STAT4: variants seen among roughly 807,000 people sequenced by gnomAD.
STAT4 encodes the protein signal transducer and activator of transcription 4.
STAT4 carries 42 observed loss-of-function variants against 110.5 expected under a neutral mutation model. That is an observed-to-expected ratio of 0.38 (90% confidence interval 0.30 to 0.49). The LOEUF is 0.49. Ranked by LOEUF, STAT4 falls within the 20% of genes least tolerant of loss-of-function variation. STAT4 has a pLI of 0.95. For missense variants in STAT4, 632 were observed against 887.9 expected, an observed-to-expected ratio of 0.71 and a Z score of 3.66; for synonymous variants, 284 against 302.2, an observed-to-expected ratio of 0.94 and a Z score of 0.63.
Position 191,061,946 on chromosome 2 carries a change from C to T in STAT4, c.942-125G>A, listed in dbSNP as rs903315956. The T allele has an allele frequency of 2.6e-6, 2 of 777,888 alleles. No individual in the cohort carries two copies. The highest frequency in any genetic ancestry group is 1.8e-5 in the African/African-American group (1 of 56,162). 48.2% of individuals were successfully genotyped at this position (777,888 alleles called of 1,614,324 possible). ...TTTCTACACTTAGAAGATATTCAAA[C>T]CCCCAATTAAACTCAAATCTTTACA... On this transcript the variant is annotated intron_variant, in intron 9 of 23. Coordinates refer to ENST00000392320, the MANE Select transcript of STAT4 (RefSeq NM_003151.4). The surrounding 1 kb of genome is among the most constrained non-coding windows in gnomAD (Gnocchi z 6.2).
rs144272876 is a variant in STAT4 at position 191,106,942 on chromosome 2, T to C, written c.274-30617A>G. ...GGTGAGAAGGATACTGTAAAGTAAA[T>C]TGAGCAAGAATGTTGCTGTCTGGGG... On this transcript the variant is annotated intron_variant, in intron 3 of 23. Transcript: ENST00000392320. Among the ~76,000 whole-genome samples the C allele has an allele frequency of 4.6e-5, 7 of 152,256 alleles. No individual in the cohort carries two copies. The East Asian group carries it at 1.2e-3, about 25-fold the overall frequency.
rs777098379 is a variant in STAT4, at chr2:191,116,535, G to T, written c.273+30078C>A. On this transcript the variant is annotated intron_variant, in intron 3 of 23. Coordinates refer to ENST00000392320, the MANE Select transcript of STAT4 (RefSeq NM_003151.4). The surrounding 1 kb of genome is among the most constrained non-coding windows in gnomAD (Gnocchi z 4.1). The stretch of plus-strand genomic sequence containing the variant: ...TAAAAGGAATAACCTTATAGATTTA[G>T]AATTTTTTTAAAAGCATATTGCATG... Among the ~76,000 whole-genome samples the T allele has an allele frequency of 6.6e-6, 1 of 152,084 alleles. No individual in the cohort carries two copies. Among genetic ancestry groups the T allele is most frequent in the Non-Finnish European group, 1.5e-5 (1 of 68,016 alleles).
Position 191,060,368 on chromosome 2 carries a change from GAGGA to G in STAT4, c.1034+1357_1034+1360del, listed in dbSNP as rs1474956698. Among the ~76,000 whole-genome samples, 3 of 152,184 alleles carry G rather than the reference GAGGA, an allele frequency of 2.0e-5. No homozygotes were observed. The highest frequency in any genetic ancestry group is 4.8e-5 in the African/African-American group (2 of 41,450). On this transcript the variant is annotated intron_variant, in intron 10 of 23. Coordinates refer to ENST00000392320, the MANE Select transcript of STAT4 (RefSeq NM_003151.4). This position sits in a 1 kb window ranked among gnomAD's most constrained non-coding sequence, Gnocchi z 4.5. ...CCGAGTTATACAGAGATGTCGGAAT[GAGGA>G]AGGAACAATTTTTGAGAAGAATGCT...
chr2:191,076,306 G>T lies in STAT4; in HGVS notation c.293C>A (p.Pro98Gln). The change falls in exon 4 of 24, where the codon CCA becomes CAA. Residue 98 changes from proline (P) to glutamine (Q), a missense_variant. Pro to Gln is a moderately conservative substitution (Grantham distance 76, BLOSUM62 -1). Coordinates refer to ENST00000392320, the MANE Select transcript of STAT4 (RefSeq NM_003151.4). ...KVLQGKFHGN[P>Q]MHVAVVISNC... ...TGAAATAACCACAGCTACATGCATT[G>T]GATTTCCATGAAATTTTCCCTGAAA... 6.3e-7 allele frequency: 1 copy of T among 1,599,432 alleles called. No homozygotes were observed.
In STAT4 at chr2:191,110,393, T is replaced by C. The variant is rs1181457279; in HGVS notation, c.274-34068A>G. 6.6e-6 allele frequency among the ~76,000 whole-genome samples: 1 copy of C among 152,194 alleles called. No homozygotes were observed. The highest frequency in any genetic ancestry group is 1.5e-5 in the Non-Finnish European group (1 of 68,032). ...GAATAACATTTGTAAATGTCTTCTA[T>C]ATGCCTTGTGCTCGCACATATCATC... On this transcript the variant is annotated intron_variant, in intron 3 of 23. Coordinates refer to ENST00000392320, the MANE Select transcript of STAT4 (RefSeq NM_003151.4). The surrounding 1 kb of genome is among the most constrained non-coding windows in gnomAD (Gnocchi z 4.5).
chr2:191,150,889 C>A lies in STAT4; in HGVS notation c.-2+58G>T. 1 of 978,492 alleles carries A rather than the reference C, an allele frequency of 1.0e-6. No homozygotes were observed. The highest frequency in any genetic ancestry group is 1.2e-6 in the Non-Finnish European group (1 of 823,600). 60.6% of individuals were successfully genotyped at this position (978,492 alleles called of 1,614,324 possible). On this transcript the variant is annotated intron_variant, in intron 1 of 23. Transcript: ENST00000392320. The surrounding 1 kb of genome is among the most constrained non-coding windows in gnomAD (Gnocchi z 6.4). Reference sequence around the variant, plus strand: ...GAAAGCAAAGCTTCAGAGTATCCTGCATAATAAGCATGTCCTCCTTACAAG... The same window carrying A: ...GAAAGCAAAGCTTCAGAGTATCCTGAATAATAAGCATGTCCTCCTTACAAG...
At chr2:191,056,770 T>G (rs1285951733) in intron 13 of STAT4, among the ~76,000 whole-genome samples, 1 of 143,816 alleles carries the variant, frequency 7.0e-6, no homozygotes, top group African/African-American at 2.5e-5. Flanking sequence ...TATTGTTCCC[T>G]TCTACACTAT....
rs114585947 is a variant in STAT4 at position 191,101,685 on chromosome 2, G to A, written c.274-25360C>T. Among the ~76,000 whole-genome samples the A allele has an allele frequency of 2.7e-3, 407 of 151,912 alleles. 3 individuals carry two copies. Among genetic ancestry groups the A allele is most frequent in the African/African-American group, 9.3e-3 (386 of 41,472 alleles). On this transcript the variant is annotated intron_variant, in intron 3 of 23. Transcript: ENST00000392320. The stretch of plus-strand genomic sequence containing the variant: ...AAATGTGTTAAAGTGTCCTACTACT[G>A]GTCATTTTTTTTTGTATTTATAATT...
chr2:191,101,836 T>A (rs1255021197), intron 3 of STAT4, among the ~76,000 whole-genome samples: 1 of 152,114 alleles, frequency 6.6e-6, no homozygotes, highest in Admixed American at 6.6e-5. Context: ...AATTTGACAT[T>A]ATCTAACAAC....
chr2:191,128,677 A>G (rs1698949489), intron 3 of STAT4, among the ~76,000 whole-genome samples: 1 of 152,174 alleles, frequency 6.6e-6, no homozygotes, highest in Non-Finnish European at 1.5e-5. Flanking sequence ...AGAGAGTAGA[A>G]TATGTGAGGT....
At position 191,032,478 on chromosome 2, in the gene STAT4, C is replaced by T. The variant is rs1002571519; in HGVS notation, c.2044+480G>A. 6.6e-6 allele frequency among the ~76,000 whole-genome samples: 1 copy of T among 152,076 alleles called. No homozygotes were observed. The highest frequency in any genetic ancestry group is 2.4e-5 in the African/African-American group (1 of 41,398). ...GAGGATGAAGCAGAGATCCACAGGTCCCCTCCCTAGCAAATGAACAAATAC... is the reference window on the plus strand; with the variant it reads ...GAGGATGAAGCAGAGATCCACAGGTTCCCTCCCTAGCAAATGAACAAATAC... On this transcript the variant is annotated intron_variant, in intron 21 of 23. Transcript: ENST00000392320. This position sits in a 1 kb window ranked among gnomAD's most constrained non-coding sequence, Gnocchi z 4.9.
intron 16 of STAT4, 85 bp from the exon 17 acceptor site, chr2:191,036,384 C>A: frequency 7.2e-7 from 1 of 1,379,322 alleles, no homozygotes; most frequent in East Asian, 2.4e-5. Context: ...GAGGTCTCCC[C>A]CTCTCCCCAC....
In STAT4 at chr2:191,029,756, G is replaced by C. The variant is rs1028671864; in HGVS notation, c.*84C>G. 36 of 1,260,364 alleles carry C rather than the reference G, an allele frequency of 2.9e-5. No homozygotes were observed. The highest frequency in any genetic ancestry group is 4.1e-5 in the Non-Finnish European group (36 of 882,722). The allele number at this position is 1,260,364 out of a possible 1,614,324, so 78.1% of individuals were successfully genotyped here. On this transcript the variant is annotated 3_prime_UTR_variant, in exon 24 of 24. Coordinates refer to ENST00000392320, the MANE Select transcript of STAT4 (RefSeq NM_003151.4). This position sits in a 1 kb window ranked among gnomAD's most constrained non-coding sequence, Gnocchi z 4.5. Reference sequence around the variant, plus strand: ...AGAACCTGGTATTTACAAAGCTGAAGAAATAAAATGTGGTTATTGGGCAAA... The same window carrying C: ...AGAACCTGGTATTTACAAAGCTGAACAAATAAAATGTGGTTATTGGGCAAA...
Position 191,082,998 on chromosome 2 carries a change from C to T in STAT4, c.274-6673G>A, listed in dbSNP as rs1335481258. Among the ~76,000 whole-genome samples, 1 of 152,074 alleles carries T rather than the reference C, an allele frequency of 6.6e-6. No homozygotes were observed. The highest frequency in any genetic ancestry group is 1.5e-5 in the Non-Finnish European group (1 of 68,022). ...TCTGACTGTAGTGACCTGGCAACTG[C>T]AGGATGAGAATGATAGGTCCCAGGT... On this transcript the variant is annotated intron_variant, in intron 3 of 23. Coordinates refer to ENST00000392320, the MANE Select transcript of STAT4 (RefSeq NM_003151.4). The surrounding 1 kb of genome is among the most constrained non-coding windows in gnomAD (Gnocchi z 4.7).
intron 14 of STAT4, chr2:191,041,476 A>G (rs1478301460): frequency 6.5e-6 from 1 of 153,798 alleles, no homozygotes; most frequent in Non-Finnish European, 1.4e-5. Flanking sequence ...TGATTTACCA[A>G]ATGTTAATAA....
In STAT4 at chr2:191,076,338, AC is replaced by A. The variant is rs761476162; in HGVS notation, c.274-14del. On this transcript the variant is annotated splice_polypyrimidine_tract_variant and intron_variant, in intron 3 of 23. Transcript: ENST00000392320. ...CATGAAATTTTCCCTGAAAAAAAAA[AC>A]AATGAGCAAAAATAACTAACGTAAA... is the stretch of plus-strand genomic sequence containing the variant. 28 of 1,582,620 alleles carry A rather than the reference AC, an allele frequency of 1.8e-5. No individual in the cohort carries two copies. Among genetic ancestry groups the A allele is most frequent in the East Asian group, 8.9e-5 (4 of 44,700 alleles).
rs1698109954 is a variant in STAT4 at position 191,099,909 on chromosome 2, A to G, written c.274-23584T>C. Among the ~76,000 whole-genome samples the G allele has an allele frequency of 6.6e-6, 1 of 152,164 alleles. No homozygotes were observed. The highest frequency in any genetic ancestry group is 1.5e-5 in the Non-Finnish European group (1 of 68,014). On this transcript the variant is annotated intron_variant, in intron 3 of 23. Transcript: ENST00000392320. This position sits in a 1 kb window ranked among gnomAD's most constrained non-coding sequence, Gnocchi z 4.1. ...TGAAAAGTTGGTGACCAAAATGTTA[A>G]TAGTGGTTATCTTATTTCAGTGGAA...
Position 191,051,043 on chromosome 2 carries a change from G to GGTGT in STAT4, c.1251+3443_1251+3446dup, listed in dbSNP as rs1277266276. The stretch of plus-strand genomic sequence containing the variant: ...ACCCAAAATTGTGTGTGTGCGTGTG[G>GGTGT]GTGTGTGTGTGATGGAGGTGAAGAG... On this transcript the variant is annotated intron_variant, in intron 14 of 23. Coordinates refer to ENST00000392320, the MANE Select transcript of STAT4 (RefSeq NM_003151.4). The surrounding 1 kb of genome is among the most constrained non-coding windows in gnomAD (Gnocchi z 5.6). Among the ~76,000 whole-genome samples, 4 of 152,108 alleles carry GGTGT rather than the reference G, an allele frequency of 2.6e-5. No individual in the cohort carries two copies. The highest frequency in any genetic ancestry group is 4.4e-5 in the Non-Finnish European group (3 of 67,972).
chr2:191,041,242 A>T, intron 14 of STAT4, 94 bp from the exon 15 acceptor site: 1 of 522,602 alleles, frequency 1.9e-6, no homozygotes, highest in Non-Finnish European at 2.8e-6. Context: ...ATTTATTAAT[A>T]AATTAATAAA....
Sources: gnomAD v4.1 joint callset for allele counts (sites outside exome capture counted in the v4.1 genomes callset) on GRCh38, gnomAD v4.1.1 for gene constraint, Gnocchi (gnomAD v3.1) non-coding constraint, MANE v1.5 for transcripts, NCBI Gene and HGNC (gene_info 2026-07-23, HGNC 2026-07-21) for gene names.